The following RAB38 variants were observed in gnomAD, a reference collection of about 807,000 sequenced individuals.
RAB38 encodes ras-related protein Rab-38.
A neutral mutation model predicts 18.4 loss-of-function variants in RAB38; 15 were observed. That is an observed-to-expected ratio of 0.82 (90% CI 0.55 to 1.26). The LOEUF is 1.26. Among genes scored for constraint, RAB38 ranks in the 50% most tolerant of loss-of-function variants. The pLI, the probability that RAB38 is intolerant of heterozygous loss-of-function variation, is 0.00. For missense variants in RAB38, 294 were observed against 267.4 expected, an observed-to-expected ratio of 1.10 and a Z score of -0.69; for synonymous variants, 101 against 104.4, an observed-to-expected ratio of 0.97 and a Z score of 0.20.
chr11:87,860,627 T>C, the RAB38 span, among the ~76,000 whole-genome samples: 1 of 151,902 alleles, frequency 6.6e-6, no homozygotes, highest in Non-Finnish European at 1.5e-5. Flanking sequence ...AGAAAGAATA[T>C]GGAGTTATCT....
chr11:87,813,609 A>C, the RAB38 span, among the ~76,000 whole-genome samples: 1 of 152,010 alleles, frequency 6.6e-6, no homozygotes, highest in Non-Finnish European at 1.5e-5. Context: ...AGAGTTTAGG[A>C]CTAAGCATAG....
the RAB38 span, among the ~76,000 whole-genome samples, chr11:87,890,922 C>T: frequency 1.4e-4 from 21 of 151,878 alleles, no homozygotes; most frequent in South Asian, 1.7e-3. Flanking sequence ...AAAAAATATT[C>T]GTAAGAATGT....
the RAB38 span, among the ~76,000 whole-genome samples, chr11:87,952,867 C>G: frequency 6.6e-6 from 1 of 151,168 alleles, no homozygotes; most frequent in Non-Finnish European, 1.5e-5. Context: ...AAAAGGAAAA[C>G]TATCAATCAA....
At chr11:88,144,162 T>A (rs774402348) in intron 2 of RAB38, among the ~76,000 whole-genome samples, 5 of 152,224 alleles carry the variant, frequency 3.3e-5, no homozygotes, top group Non-Finnish European at 7.3e-5. Context: ...ATTCTCAGTT[T>A]GCTCTGGTTT....
chr11:87,917,742 A>G, the RAB38 span, among the ~76,000 whole-genome samples: 1 of 152,158 alleles, frequency 6.6e-6, no homozygotes, highest in East Asian at 1.9e-4. Context: ...TGGTGCAGTC[A>G]GTGAGGTTTT....
the RAB38 span, among the ~76,000 whole-genome samples, chr11:88,035,584 C>T: frequency 1.3e-5 from 2 of 152,118 alleles, no homozygotes; most frequent in Non-Finnish European, 2.9e-5. Context: ...TATTCAAGGG[C>T]AAGAAGAGTC....
the RAB38 span, among the ~76,000 whole-genome samples, chr11:88,043,606 C>A: frequency 2.3e-5 from 3 of 131,602 alleles, no homozygotes; most frequent in Non-Finnish European, 5.0e-5. Flanking sequence ...CTTGTGACCC[C>A]CCCACCCTGC....
At chr11:87,957,367 G>T in the RAB38 span, among the ~76,000 whole-genome samples, 1 of 150,394 alleles carries the variant, frequency 6.6e-6, no homozygotes, top group Non-Finnish European at 1.5e-5. Context: ...GGTCACGGAT[G>T]ACAGTCCTGT....
At chr11:88,083,564 C>T in the RAB38 span, among the ~76,000 whole-genome samples, 2 of 151,896 alleles carry the variant, frequency 1.3e-5, no homozygotes, top group African/African-American at 2.4e-5. Flanking sequence ...AGCTTGGTGC[C>T]ATGGTTTGAA....
the RAB38 span, among the ~76,000 whole-genome samples, chr11:88,086,917 A>T: frequency 6.6e-6 from 1 of 151,956 alleles, no homozygotes; most frequent in Non-Finnish European, 1.5e-5. Flanking sequence ...TGTATCAATT[A>T]TCTTTACAGA....
intron 1 of RAB38, among the ~76,000 whole-genome samples, chr11:88,155,598 G>A (rs1473393391): frequency 2.0e-5 from 3 of 152,180 alleles, no homozygotes; most frequent in Admixed American, 1.3e-4. Context: ...AAATGAAAAG[G>A]AAAAAGCACA....
the RAB38 span, among the ~76,000 whole-genome samples, chr11:87,862,983 C>T: frequency 6.6e-6 from 1 of 151,706 alleles, no homozygotes; most frequent in Non-Finnish European, 1.5e-5. Flanking sequence ...ATATGCAGTC[C>T]ATCTGCACTA....
At chr11:88,142,923 C>G (rs1394389008) in intron 2 of RAB38, among the ~76,000 whole-genome samples, 1 of 152,236 alleles carries the variant, frequency 6.6e-6, no homozygotes, top group Non-Finnish European at 1.5e-5. Context: ...CGTATTTACA[C>G]ATCTGTATAC....
the RAB38 span, among the ~76,000 whole-genome samples, chr11:87,867,567 A>C: frequency 2.0e-5 from 3 of 151,790 alleles, no homozygotes; most frequent in Admixed American, 6.6e-5. Context: ...ATTGGACTTT[A>C]TGATTATCTC....
chr11:87,865,143 G>T, the RAB38 span, among the ~76,000 whole-genome samples: 969 of 151,744 alleles, frequency 6.4e-3, 9 homozygotes, highest in African/African-American at 0.022. Context: ...AAGGGAAGAT[G>T]AACTTGAAGA....
chr11:88,159,375 GA>G (rs1213258766), intron 1 of RAB38, among the ~76,000 whole-genome samples: 1 of 151,516 alleles, frequency 6.6e-6, no homozygotes, highest in Non-Finnish European at 1.5e-5. Context: ...TCATAGGTTG[GA>G]AGAGTCAATA....
the RAB38 span, among the ~76,000 whole-genome samples, chr11:87,896,918 A>T: frequency 5.9e-5 from 9 of 151,732 alleles, no homozygotes; most frequent in South Asian, 1.9e-3. Context: ...ATCCTATTCT[A>T]ATTTCTTCAG....
the RAB38 span, among the ~76,000 whole-genome samples, chr11:87,894,205 G>A: frequency 6.6e-6 from 1 of 151,566 alleles, no homozygotes; most frequent in Non-Finnish European, 1.5e-5. Flanking sequence ...TTCTTTAGGA[G>A]GTAGAATTTT....
chr11:87,930,961 ACTGTAGC>A, the RAB38 span, among the ~76,000 whole-genome samples: 1 of 152,102 alleles, frequency 6.6e-6, no homozygotes, highest in African/African-American at 2.4e-5. Context: ...TGTTTTGGTT[ACTGTAGC>A]CTTGTAGCAT....
Sources: allele counts gnomAD v4.1 joint callset (sites outside exome capture counted in the v4.1 genomes callset), GRCh38; gene constraint gnomAD v4.1.1; transcripts MANE v1.5; gene names NCBI Gene and HGNC (gene_info 2026-07-23, HGNC 2026-07-21).